AK8: variants seen among roughly 807,000 people sequenced by gnomAD.
AK8 encodes adenylate kinase 8.
A neutral mutation model predicts 54.6 loss-of-function variants in AK8; 44 were observed. That is an observed-to-expected ratio of 0.81 (90% CI 0.63 to 1.04). The LOEUF (loss-of-function observed/expected upper bound fraction) is 1.04. Among genes scored for constraint, AK8 ranks in the 50% least tolerant of loss-of-function variants. The pLI, the probability that AK8 is intolerant of heterozygous loss-of-function variation, is 0.00. For missense variants in AK8, 555 were observed against 613.6 expected (o/e 0.90, Z 1.01); for synonymous variants, 239 against 245.6 (o/e 0.97, Z 0.25).
At chr9:132,758,255 G>A (rs1436686949) in intron 11 of AK8, among the ~76,000 whole-genome samples, 4 of 152,122 alleles carry the variant, frequency 2.6e-5, no homozygotes, top group Non-Finnish European at 5.9e-5. Flanking sequence ...CCACACATAC[G>A]GCATGTTTAT....
chr9:132,797,004 CA>C (rs1335847728), intron 10 of AK8, among the ~76,000 whole-genome samples: 5 of 152,164 alleles, frequency 3.3e-5, no homozygotes, highest in Admixed American at 6.5e-5. Context: ...GCCAAATTTC[CA>C]AAAGATTGAG....
chr9:132,873,088 C>T (rs1588244076), intron 2 of AK8, among the ~76,000 whole-genome samples: 1 of 152,348 alleles, frequency 6.6e-6, no homozygotes, highest in Admixed American at 6.5e-5. Flanking sequence ...GCTGGGATTA[C>T]AGGCGTGAGC....
At chr9:132,820,782 G>C (rs1392571659) in intron 9 of AK8, among the ~76,000 whole-genome samples, 1 of 152,220 alleles carries the variant, frequency 6.6e-6, no homozygotes, top group Non-Finnish European at 1.5e-5. Flanking sequence ...GAGATTCACA[G>C]ATGTGAAGAT....
chr9:132,876,493 G>T (rs1844106387), intron 1 of AK8, among the ~76,000 whole-genome samples: 1 of 152,196 alleles, frequency 6.6e-6, no homozygotes, highest in Admixed American at 6.5e-5. Flanking sequence ...ATCTGTACAT[G>T]TGATACAACT....
At chr9:132,828,609 G>T in intron 6 of AK8, 36 bp downstream of exon 6, 1 of 1,587,792 alleles carries the variant, frequency 6.3e-7, no homozygotes, top group Non-Finnish European at 8.6e-7. Context: ...TGGGGCTGCA[G>T]CTCTGGCAGG....
At position 132,814,640 on chromosome 9, in the gene AK8, G is replaced by T. The variant is rs1410853152; in HGVS notation, c.977C>A (p.Ala326Glu). 2.5e-6 allele frequency: 4 copies of T among 1,613,762 alleles called. No individual in the cohort carries two copies. Among genetic ancestry groups the T allele is most frequent in the Non-Finnish European group, 3.4e-6 (4 of 1,179,924 alleles). The stretch of plus-strand genomic sequence containing the variant: ...CAGTTAGTGGGAACGTGGCCTACCT[G>T]CCATCTCCTTTTCAAAGAAGGGCTG... Reference protein sequence around the residue: ...LIQPFFEKEMAVPDSLLMKVL... With the variant: ...LIQPFFEKEMEVPDSLLMKVL... The change falls in exon 10 of 13, where the codon GCA becomes GAA. Residue 326 changes from alanine (A) to glutamate (E), a missense_variant and splice_region_variant. Ala to Glu is a moderately radical substitution (Grantham distance 107). Coordinates refer to ENST00000298545, the MANE Select transcript of AK8 (RefSeq NM_152572.3).
chr9:132,796,705 T>C (rs1840186147), intron 10 of AK8, among the ~76,000 whole-genome samples: 1 of 152,032 alleles, frequency 6.6e-6, no homozygotes, highest in African/African-American at 2.4e-5. Context: ...ACGGCTTGTA[T>C]ACATGGTCTA....
intron 5 of AK8, among the ~76,000 whole-genome samples, chr9:132,832,026 C>T (rs1051457464): frequency 7.8e-6 from 1 of 127,876 alleles, no homozygotes; most frequent in African/African-American, 2.9e-5. Context: ...CGTGCTATTG[C>T]ACTCCTGCCT....
At chr9:132,830,024 C>T (rs185822969) in intron 5 of AK8, among the ~76,000 whole-genome samples, 2 of 152,342 alleles carry the variant, frequency 1.3e-5, no homozygotes, top group African/African-American at 4.8e-5. Flanking sequence ...AGTGCAGATA[C>T]CTTTTTTCCC....
intron 11 of AK8, among the ~76,000 whole-genome samples, chr9:132,783,954 T>G (rs906153097): frequency 6.6e-6 from 1 of 152,188 alleles, no homozygotes; most frequent in Admixed American, 6.5e-5. Flanking sequence ...GAAAAGCTGA[T>G]GATAAATATC....
chr9:132,860,245 C>T lies in AK8; in HGVS notation c.333+3420G>A, dbSNP rs1843331559. The stretch of plus-strand genomic sequence containing the variant: ...GGAGAGGGCCCAGGAGCCATAAGAA[C>T]ACCATCTCCTCGGCGAGATTTATAA... On this transcript the variant is annotated intron_variant, in intron 4 of 12. Transcript: ENST00000298545. The surrounding 1 kb of genome is among the most constrained non-coding windows in gnomAD (Gnocchi z 4.4). 6.6e-6 allele frequency among the ~76,000 whole-genome samples: 1 copy of T among 150,920 alleles called. No individual in the cohort carries two copies. Among genetic ancestry groups the T allele is most frequent in the African/African-American group, 2.5e-5 (1 of 40,562 alleles).
intron 10 of AK8, among the ~76,000 whole-genome samples, chr9:132,806,896 C>T (rs562179335): frequency 4.0e-4 from 61 of 152,276 alleles, no homozygotes; most frequent in African/African-American, 1.4e-3. Flanking sequence ...CTTCTTGAAA[C>T]TCTCTCAAAT....
chr9:132,754,273 A>G (rs1402509291), intron 11 of AK8, among the ~76,000 whole-genome samples: 1 of 152,208 alleles, frequency 6.6e-6, no homozygotes, highest in Non-Finnish European at 1.5e-5. Context: ...TCAGTTTGGG[A>G]TAGAAATGGC....
chr9:132,873,382 C>T (rs1005434851), intron 2 of AK8, among the ~76,000 whole-genome samples: 2 of 152,130 alleles, frequency 1.3e-5, no homozygotes, highest in South Asian at 2.1e-4. Context: ...CGATCTCTCA[C>T]GTCTCTACAT....
chr9:132,780,103 G>A (rs1267033360), intron 11 of AK8, among the ~76,000 whole-genome samples: 1 of 152,188 alleles, frequency 6.6e-6, no homozygotes, highest in Non-Finnish European at 1.5e-5. Context: ...GGGAAGAAGT[G>A]TCCTCAATGG....
At chr9:132,732,670 C>T (rs936493987) in intron 11 of AK8, among the ~76,000 whole-genome samples, 4 of 152,032 alleles carry the variant, frequency 2.6e-5, no homozygotes, top group South Asian at 4.1e-4. Flanking sequence ...CCAAAGAGAG[C>T]GTAACTGAGA....
At chr9:132,848,347 T>C (rs886130833) in intron 5 of AK8, among the ~76,000 whole-genome samples, 1 of 152,114 alleles carries the variant, frequency 6.6e-6, no homozygotes. Context: ...CAAAAGATTG[T>C]TTGGCACTTC....
chr9:132,828,231 T>G, intron 6 of AK8, 147 bp from the exon 7 acceptor site: 1 of 717,052 alleles, frequency 1.4e-6, no homozygotes, highest in South Asian at 1.9e-5. Flanking sequence ...CCCCGTGAAT[T>G]CCTAAGAGAA....
At chr9:132,814,385 G>T (rs1437308948) in intron 10 of AK8, among the ~76,000 whole-genome samples, 1 of 149,548 alleles carries the variant, frequency 6.7e-6, no homozygotes, top group African/African-American at 2.5e-5. Context: ...ACCGTCTTGA[G>T]AAATAGGAAC....
Sources: allele counts gnomAD v4.1 joint callset (sites outside exome capture counted in the v4.1 genomes callset), GRCh38; gene constraint gnomAD v4.1.1; non-coding constraint Gnocchi (gnomAD v3.1); transcripts MANE v1.5; gene names NCBI Gene and HGNC (gene_info 2026-07-23, HGNC 2026-07-21).